The following CLSTN2 variants were observed in gnomAD, a reference collection of about 807,000 sequenced individuals.
CLSTN2 encodes the protein calsyntenin-2.
CLSTN2 carries 48 observed loss-of-function variants against 101.2 expected under a neutral mutation model. That is an observed-to-expected ratio of 0.47 (90% CI 0.38 to 0.60). The LOEUF is 0.60. Ranked by LOEUF, CLSTN2 falls within the 20% of genes least tolerant of loss-of-function variation. The pLI is 0.00. For synonymous variants in CLSTN2, 481 were observed against 463.6 expected (o/e 1.04, Z -0.48); for missense variants, 1,160 against 1,238.2 (o/e 0.94, Z 0.95).
chr3:140,315,359 T>C (rs1039184280), intron 2 of CLSTN2, among the ~76,000 whole-genome samples: 3 of 152,204 alleles, frequency 2.0e-5, no homozygotes, highest in African/African-American at 4.8e-5. Context: ...CCAAGAGGAT[T>C]TACTTAGAAG....
chr3:140,101,920 A>G (rs1208438236), intron 1 of CLSTN2, among the ~76,000 whole-genome samples: 1 of 152,216 alleles, frequency 6.6e-6, no homozygotes, highest in Admixed American at 6.5e-5. Flanking sequence ...CAAGGGAGGC[A>G]GGGGCATGTA....
chr3:140,142,404 C>G (rs1379094953), intron 1 of CLSTN2, among the ~76,000 whole-genome samples: 2 of 152,122 alleles, frequency 1.3e-5, no homozygotes, highest in Non-Finnish European at 2.9e-5. Context: ...CACACTGGGG[C>G]AGGCCTCTCA....
chr3:140,024,859 C>A (rs577731958), intron 1 of CLSTN2, among the ~76,000 whole-genome samples: 1 of 152,286 alleles, frequency 6.6e-6, no homozygotes, highest in African/African-American at 2.4e-5. Flanking sequence ...AAGTACATGG[C>A]ACATATTTTA....
At chr3:140,104,753 C>T (rs1379704656) in intron 1 of CLSTN2, among the ~76,000 whole-genome samples, 2 of 152,186 alleles carry the variant, frequency 1.3e-5, no homozygotes, top group African/African-American at 4.8e-5. Flanking sequence ...GCGGGCAGAT[C>T]ACTTGAGGCC....
At chr3:140,181,264 A>T (rs756721043) in intron 2 of CLSTN2, among the ~76,000 whole-genome samples, 1 of 152,236 alleles carries the variant, frequency 6.6e-6, no homozygotes, top group Admixed American at 6.5e-5. Context: ...AAGTGCCTAG[A>T]GCTCTCTCTG....
At chr3:140,529,484 A>C (rs1935211936) in intron 8 of CLSTN2, among the ~76,000 whole-genome samples, 1 of 152,190 alleles carries the variant, frequency 6.6e-6, no homozygotes, top group Non-Finnish European at 1.5e-5. Context: ...CACTTTGCTG[A>C]ATTTTCTTCT....
chr3:140,514,722 T>C (rs1331456261), intron 8 of CLSTN2, among the ~76,000 whole-genome samples: 1 of 152,206 alleles, frequency 6.6e-6, no homozygotes, highest in Non-Finnish European at 1.5e-5. Context: ...TCCATAGTGG[T>C]TGTACTACTT....
intron 1 of CLSTN2, among the ~76,000 whole-genome samples, chr3:140,003,296 A>C (rs1277971758): frequency 1.3e-5 from 2 of 152,078 alleles, no homozygotes; most frequent in Non-Finnish European, 2.9e-5. Flanking sequence ...AGGTATTTAA[A>C]TTTATGTGTG....
rs1303685914 is a variant in CLSTN2 at position 139,956,582 on chromosome 3, T to C, written c.109+21099T>C. Among the ~76,000 whole-genome samples, 6 of 152,356 alleles carry C rather than the reference T, an allele frequency of 3.9e-5. No homozygotes were observed. The South Asian group carries it at 1.2e-3, about 32-fold the overall frequency. ...ACAGAGGTCTACTAAAGGGATGTTC[T>C]GTTTGGAACAGACTCTCTTTTTTCC... On this transcript the variant is annotated intron_variant, in intron 1 of 16. Transcript: ENST00000458420.
At chr3:140,225,425 A>G (rs1245968808) in intron 2 of CLSTN2, among the ~76,000 whole-genome samples, 2 of 152,318 alleles carry the variant, frequency 1.3e-5, no homozygotes, top group African/African-American at 4.8e-5. Flanking sequence ...GAGACAATTT[A>G]TTGTTTTAGT....
intron 5 of CLSTN2, among the ~76,000 whole-genome samples, chr3:140,431,007 A>G (rs2088623177): frequency 6.6e-6 from 1 of 152,224 alleles, no homozygotes; most frequent in Non-Finnish European, 1.5e-5. Context: ...ATAAAAGGGT[A>G]TATCAGAAAA....
chr3:140,387,344 T>C (rs1417382880), intron 2 of CLSTN2, among the ~76,000 whole-genome samples: 1 of 152,148 alleles, frequency 6.6e-6, no homozygotes, highest in Non-Finnish European at 1.5e-5. Context: ...TCTCTGTTAG[T>C]TGATGAAGAG....
intron 2 of CLSTN2, among the ~76,000 whole-genome samples, chr3:140,295,942 T>G (rs1239579894): frequency 1.3e-5 from 2 of 152,234 alleles, no homozygotes; most frequent in Non-Finnish European, 2.9e-5. Context: ...GAGAAATAAC[T>G]GAGACTAACT....
intron 1 of CLSTN2, among the ~76,000 whole-genome samples, chr3:140,077,559 A>T (rs2008513592): frequency 6.6e-6 from 1 of 151,676 alleles, no homozygotes; most frequent in African/African-American, 2.4e-5. Context: ...TGTGGGGGAG[A>T]CTCTCTTTAG....
intron 2 of CLSTN2, among the ~76,000 whole-genome samples, chr3:140,302,912 T>G (rs1158355640): frequency 6.6e-6 from 1 of 152,138 alleles, no homozygotes; most frequent in Non-Finnish European, 1.5e-5. Flanking sequence ...GAGCTAAAAG[T>G]GTGTCAGCCC....
chr3:139,961,140 A>C (rs574695748), intron 1 of CLSTN2, among the ~76,000 whole-genome samples: 34 of 152,244 alleles, frequency 2.2e-4, no homozygotes, highest in African/African-American at 7.2e-4. Flanking sequence ...TCACATAGGG[A>C]AGTCAGGGAA....
At chr3:140,251,721 G>A in intron 2 of CLSTN2, among the ~76,000 whole-genome samples, 1 of 150,796 alleles carries the variant, frequency 6.6e-6, no homozygotes, top group East Asian at 2.0e-4. Flanking sequence ...GCTGCCAATG[G>A]TACATTATGT....
chr3:140,211,307 A>G (rs1412543183), intron 2 of CLSTN2, among the ~76,000 whole-genome samples: 1 of 148,662 alleles, frequency 6.7e-6, no homozygotes, highest in Admixed American at 6.7e-5. Context: ...TCCAGGGTGA[A>G]TGGTTGGCAG....
At chr3:140,165,008 G>GC (rs1559795285) in intron 1 of CLSTN2, among the ~76,000 whole-genome samples, 1 of 152,064 alleles carries the variant, frequency 6.6e-6, no homozygotes, top group African/African-American at 2.4e-5. Context: ...GCAATGTTCT[G>GC]CCCCCACTGA....
Sources: gnomAD v4.1 joint callset for allele counts (sites outside exome capture counted in the v4.1 genomes callset) on GRCh38, gnomAD v4.1.1 for gene constraint, MANE v1.5 for transcripts, NCBI Gene and HGNC (gene_info 2026-07-23, HGNC 2026-07-21) for gene names.